Variants in SATB1 observed in about 807,000 individuals in gnomAD.
The protein encoded by SATB1 is DNA-binding protein SATB1.
Under a neutral mutation model 86.9 loss-of-function variants are expected in SATB1, and 11 were observed. The observed-to-expected ratio is 0.13, with a 90% confidence interval of 0.08 to 0.21. SATB1 has a LOEUF of 0.21. SATB1 is among the 10% of genes least tolerant of loss of function. The pLI is 1.00. For missense variants in SATB1, 551 were observed against 937.6 expected, an observed-to-expected ratio of 0.59 and a Z score of 5.39; for synonymous variants, 357 against 357.2, an observed-to-expected ratio of 1.00 and a Z score of 0.01.
intron 2 of SATB1, among the ~76,000 whole-genome samples, chr3:18,419,034 C>T (rs1029443029): frequency 6.6e-5 from 10 of 152,086 alleles, no homozygotes; most frequent in Admixed American, 2.0e-4. Flanking sequence ...CAGATGTATT[C>T]TACAATATGC....
intron 5 of SATB1, among the ~76,000 whole-genome samples, chr3:18,413,612 T>A (rs1307808615): frequency 6.6e-6 from 1 of 152,072 alleles, no homozygotes; most frequent in Non-Finnish European, 1.5e-5. Context: ...ATCCTATTCA[T>A]TTGTGATTAA....
At chr3:18,355,718 T>C in intron 9 of SATB1, among the ~76,000 whole-genome samples, 1 of 151,918 alleles carries the variant, frequency 6.6e-6, no homozygotes. Flanking sequence ...GGACTTGATA[T>C]ACATAAGACC....
rs912945964 is a variant in SATB1, at chr3:18,394,293, G to A, written c.1206+169C>T. 6.6e-6 allele frequency among the ~76,000 whole-genome samples: 1 copy of A among 152,138 alleles called. No homozygotes were observed. The highest frequency in any genetic ancestry group is 6.5e-5 in the Admixed American group (1 of 15,282). Reference sequence around the variant, plus strand: ...TCCCTTGATTCAGAAGTATATCATAGGAAAAGGAGTGGTAAAATTGAGGCT... The same window carrying A: ...TCCCTTGATTCAGAAGTATATCATAAGAAAAGGAGTGGTAAAATTGAGGCT... On this transcript the variant is annotated intron_variant, in intron 7 of 10. Transcript: ENST00000338745. This position sits in a 1 kb window ranked among gnomAD's most constrained non-coding sequence, Gnocchi z 5.9.
chr3:18,367,547 A>G (rs1695245945), intron 9 of SATB1, among the ~76,000 whole-genome samples: 1 of 152,190 alleles, frequency 6.6e-6, no homozygotes, highest in Non-Finnish European at 1.5e-5. Flanking sequence ...AGACAAATGG[A>G]AAATGTCTTC....
intron 9 of SATB1, among the ~76,000 whole-genome samples, chr3:18,372,766 T>C (rs1695537477): frequency 6.6e-6 from 1 of 152,340 alleles, no homozygotes; most frequent in Non-Finnish European, 1.5e-5. Flanking sequence ...CTGTTTGGCA[T>C]TCAACTAGAA....
intron 2 of SATB1, among the ~76,000 whole-genome samples, chr3:18,431,519 C>A (rs1025529822): frequency 2.6e-5 from 4 of 152,188 alleles, no homozygotes; most frequent in South Asian, 2.1e-4. Context: ...GATGTCCAGG[C>A]TGAACCCCAC....
chr3:18,417,638 T>C (rs1163585505), intron 2 of SATB1: 2 of 697,864 alleles, frequency 2.9e-6, no homozygotes, highest in Admixed American at 4.1e-5. Flanking sequence ...AGATATTAGC[T>C]CTAACTGGTT....
intron 7 of SATB1, among the ~76,000 whole-genome samples, chr3:18,393,287 CCTT>C (rs1435428236): frequency 3.3e-5 from 5 of 152,068 alleles, no homozygotes; most frequent in African/African-American, 4.8e-5. Flanking sequence ...GGCATAATGT[CCTT>C]CTTCTAATCA....
Position 18,362,870 on chromosome 3 carries a change from A to AC in SATB1, c.1576-10676_1576-10675insG, listed in dbSNP as rs796080070. ...CATATATGCCATGTGCAAAAAAAAAAAAAAAAAAAAACCAAAACCCCAAAT... is the reference window on the plus strand; with the variant it reads ...CATATATGCCATGTGCAAAAAAAAAACAAAAAAAAAAACCAAAACCCCAAAT... On this transcript the variant is annotated intron_variant, in intron 9 of 10. Coordinates refer to ENST00000338745, the MANE Select transcript of SATB1 (RefSeq NM_002971.6). Among the ~76,000 whole-genome samples the AC allele has an allele frequency of 3.6e-5, 5 of 140,370 alleles. No individual in the cohort carries two copies. In the East Asian group the frequency reaches 9.9e-4, roughly 28 times the overall value. The allele number at this position is 140,370 out of a possible 152,430, so 92.1% of individuals were successfully genotyped here. A position where few individuals can be genotyped will look rare whatever the true frequency, so the allele number is the denominator to read the frequency against.
chr3:18,399,512 T>C (rs1697141526), intron 5 of SATB1, among the ~76,000 whole-genome samples: 1 of 152,218 alleles, frequency 6.6e-6, no homozygotes, highest in Non-Finnish European at 1.5e-5. Context: ...GAAATAGTTT[T>C]ATAAAACTAG....
intron 5 of SATB1, among the ~76,000 whole-genome samples, chr3:18,403,505 A>C (rs184567927): frequency 6.6e-6 from 1 of 152,154 alleles, no homozygotes; most frequent in African/African-American, 2.4e-5. Flanking sequence ...TTATTCTATA[A>C]GGAAAATTTC....
chr3:18,385,984 C>T (rs530337327), intron 8 of SATB1, among the ~76,000 whole-genome samples: 1 of 152,094 alleles, frequency 6.6e-6, no homozygotes, highest in African/African-American at 2.4e-5. Context: ...AGCTGCAGTT[C>T]GTACTGGAAA....
intron 5 of SATB1, 47 bp downstream of exon 5, chr3:18,415,064 G>T: frequency 6.2e-7 from 1 of 1,604,764 alleles, no homozygotes; most frequent in Non-Finnish European, 8.5e-7. Flanking sequence ...CCTCAAATCA[G>T]GGTTGCCCAT....
At chr3:18,382,390 T>A (rs1696111350) in intron 8 of SATB1, among the ~76,000 whole-genome samples, 1 of 152,166 alleles carries the variant, frequency 6.6e-6, no homozygotes, top group Non-Finnish European at 1.5e-5. Flanking sequence ...AACTGCTAAA[T>A]TAATTTAACT....
chr3:18,417,192 T>C, intron 2 of SATB1, 114 bp from the exon 3 acceptor site: 1 of 1,081,740 alleles, frequency 9.2e-7, no homozygotes, highest in Non-Finnish European at 1.4e-6. Flanking sequence ...AGAGATTCAC[T>C]GTGCTTCCAA....
chr3:18,427,985 T>C (rs764165303), upstream of SATB1, among the ~76,000 whole-genome samples: 1 of 152,178 alleles, frequency 6.6e-6, no homozygotes, highest in Non-Finnish European at 1.5e-5. Flanking sequence ...TTAGAATATT[T>C]CATTATAAGC....
Position 18,349,662 on chromosome 3 carries a change from TTGCTGTTGCTGC to T in SATB1, c.1788_1799del (p.Gln604_Gln607del). On this transcript the variant is annotated inframe_deletion, in exon 11 of 11. Coordinates refer to ENST00000338745, the MANE Select transcript of SATB1 (RefSeq NM_002971.6). The surrounding 1 kb of genome is among the most constrained non-coding windows in gnomAD (Gnocchi z 5.5). ...GTGCCTGCTGCTGCTGCTGCTGCTG[TTGCTGTTGCTGC>T]TGCTGTTGCTGCAAAGAAACAAGGA... 21 of 1,603,636 alleles carry T rather than the reference TTGCTGTTGCTGC, an allele frequency of 1.3e-5. No individual in the cohort carries two copies. Among genetic ancestry groups the T allele is most frequent in the Middle Eastern group, 1.8e-4 (1 of 5,500 alleles).
chr3:18,378,465 AT>A (rs1255202604), intron 8 of SATB1, 140 bp from the exon 9 acceptor site: 1 of 789,248 alleles, frequency 1.3e-6, no homozygotes, highest in East Asian at 2.8e-5. Flanking sequence ...AACATTAGTT[AT>A]TGCCCTGAGA....
chr3:18,398,878 A>G (rs1697102225), intron 5 of SATB1, among the ~76,000 whole-genome samples: 2 of 152,170 alleles, frequency 1.3e-5, no homozygotes, highest in Admixed American at 6.5e-5. Context: ...CACTTAGCAA[A>G]GTTGCCAAAA....
Sources: allele counts gnomAD v4.1 joint callset (sites outside exome capture counted in the v4.1 genomes callset), GRCh38; gene constraint gnomAD v4.1.1; non-coding constraint Gnocchi (gnomAD v3.1); transcripts MANE v1.5; gene names NCBI Gene and HGNC (gene_info 2026-07-23, HGNC 2026-07-21).